Variants in RNASE4 observed in about 807,000 individuals in gnomAD.
The protein encoded by RNASE4 is ribonuclease A family member 4, also known as ribonuclease 4.
For synonymous variants in RNASE4, 93 were observed against 71.4 expected (o/e 1.30, Z -1.52); for missense variants, 194 against 192.8 (o/e 1.01, Z -0.04).
chr14:20,700,942 C>T lies in RNASE4; in HGVS notation c.*1127C>T, dbSNP rs1053445399. 1 of 152,234 alleles carries T rather than the reference C, an allele frequency of 6.6e-6. No individual in the cohort carries two copies. Among genetic ancestry groups the T allele is most frequent in the African/African-American group, 2.4e-5 (1 of 41,444 alleles). The allele number at this position is 152,234 out of a possible 1,614,324, so 9.4% of individuals were successfully genotyped here. A position where few individuals can be genotyped will look rare whatever the true frequency, so the allele number is the denominator to read the frequency against. On this transcript the variant is annotated 3_prime_UTR_variant, in exon 2 of 2. Coordinates refer to ENST00000555835, the MANE Select transcript of RNASE4 (RefSeq NM_002937.5). ...AACCAATTCCTGCCTTAACTGATGA[C>T]ATTCCACCACTGTGATTTGTTCCTG...
At chr14:20,686,039 TAA>T (rs11378368) in intron 1 of RNASE4, among the ~76,000 whole-genome samples, 3,526 of 137,908 alleles carry the variant, frequency 0.026, 64 homozygotes, top group African/African-American at 0.051. Flanking sequence ...GACTCCGTCT[TAA>T]AAAAAAAAAA....
At chr14:20,689,875 C>T in intron 1 of RNASE4, among the ~76,000 whole-genome samples, 1 of 147,744 alleles carries the variant, frequency 6.8e-6, no homozygotes, top group Non-Finnish European at 1.5e-5. Context: ...AAGATAGCAC[C>T]ACTGCGATCT....
At chr14:20,696,675 T>C (rs8010599) in intron 1 of RNASE4, among the ~76,000 whole-genome samples, 10,679 of 151,892 alleles carry the variant, frequency 0.07, 455 homozygotes, top group African/African-American at 0.12. Flanking sequence ...TCTGTAGTCA[T>C]TCATTATTTT....
At chr14:20,685,885 C>T (rs1461200890) in intron 1 of RNASE4, among the ~76,000 whole-genome samples, 22 of 151,790 alleles carry the variant, frequency 1.4e-4, no homozygotes, top group Admixed American at 1.4e-3. Flanking sequence ...ACTAAAAATA[C>T]AAAAATTAGC....
rs778252755 is a variant in RNASE4, at chr14:20,693,942, C to T, written c.-17-5413C>T. 3 of 1,614,110 alleles carry T rather than the reference C, an allele frequency of 1.9e-6. No homozygotes were observed. The highest frequency in any genetic ancestry group is 1.3e-5 in the African/African-American group (1 of 75,016). ...ACCGAGCCACAGCGGGGTTCAGAAA[C>T]GTTGTTGTTGCTTGTGAAAATGGCT... On this transcript the variant is annotated intron_variant, in intron 1 of 1. Coordinates refer to ENST00000555835, the MANE Select transcript of RNASE4 (RefSeq NM_002937.5).
chr14:20,693,573 G>A lies in RNASE4; in HGVS notation c.-17-5782G>A, dbSNP rs766649220. On this transcript the variant is annotated intron_variant, in intron 1 of 1. Coordinates refer to ENST00000555835, the MANE Select transcript of RNASE4 (RefSeq NM_002937.5). ...AGCCTGTGTTGGAAGAGATGGTGAT[G>A]GGCCTGGGCGTTTTGTTGTTGGTCT... 1.9e-6 allele frequency: 3 copies of A among 1,612,568 alleles called. No individual in the cohort carries two copies. The Admixed American group carries it at 5.0e-5, about 27-fold the overall frequency.
chr14:20,696,322 C>T (rs1215556804), intron 1 of RNASE4, among the ~76,000 whole-genome samples: 3 of 152,172 alleles, frequency 2.0e-5, no homozygotes, highest in African/African-American at 7.2e-5. Context: ...CATTCCTAGT[C>T]CTTTTTGGTC....
intron 1 of RNASE4, among the ~76,000 whole-genome samples, chr14:20,691,278 T>C (rs1886730569): frequency 6.6e-6 from 1 of 152,254 alleles, no homozygotes; most frequent in African/African-American, 2.4e-5. Context: ...TCTGGGATTC[T>C]GGCACCAGGC....
In RNASE4 at chr14:20,699,855, C is replaced by T; in HGVS notation, c.*40C>T. 1 of 1,560,320 alleles carries T rather than the reference C, an allele frequency of 6.4e-7. No individual in the cohort carries two copies. ...GGATTATCGCGAGTGGTTGACCTTACACTTACTCCTTAAATAGCAGTGAGT... is the reference window on the plus strand; with the variant it reads ...GGATTATCGCGAGTGGTTGACCTTATACTTACTCCTTAAATAGCAGTGAGT... On this transcript the variant is annotated 3_prime_UTR_variant, in exon 2 of 2. Transcript: ENST00000555835.
chr14:20,693,329 G>A (rs1319725704), intron 1 of RNASE4, among the ~76,000 whole-genome samples: 2 of 152,260 alleles, frequency 1.3e-5, no homozygotes, highest in East Asian at 1.9e-4. Context: ...AGAACGGTTG[G>A]AGCTAGAGGT....
At chr14:20,697,607 C>T (rs1039393637) in intron 1 of RNASE4, among the ~76,000 whole-genome samples, 3 of 152,170 alleles carry the variant, frequency 2.0e-5, no homozygotes, top group African/African-American at 7.2e-5. Flanking sequence ...TTCAGCAGAA[C>T]AAAGTAAGGT....
At position 20,699,427 on chromosome 14, in the gene RNASE4, G is replaced by A. The variant is rs1218917599; in HGVS notation, c.56G>A (p.Gly19Glu). ...LLLLLLLTLLGLGLVQPSYGQ... is the reference protein window; with the variant it reads ...LLLLLLLTLLELGLVQPSYGQ... ...CTGCTTTTGCTGCTGACCCTGCTGG[G>A]GCTGGGGCTGGTCCAGCCCTCCTAT... Residue 19 changes from glycine (G) to glutamate (E), a missense_variant, in exon 2 of 2, where the codon GGG (glycine) becomes GAG (glutamate). Transcript: ENST00000555835. 2 of 1,611,200 alleles carry A rather than the reference G, an allele frequency of 1.2e-6. No individual in the cohort carries two copies. Among genetic ancestry groups the A allele is most frequent in the South Asian group, 1.1e-5 (1 of 91,038 alleles).
chr14:20,688,502 G>T (rs570979796), intron 1 of RNASE4, among the ~76,000 whole-genome samples: 1 of 152,216 alleles, frequency 6.6e-6, no homozygotes, highest in South Asian at 2.1e-4. Context: ...GTGTGAATAG[G>T]GAAACCTCAG....
chr14:20,686,509 T>A (rs1344472340), intron 1 of RNASE4, among the ~76,000 whole-genome samples: 1 of 152,264 alleles, frequency 6.6e-6, no homozygotes, highest in East Asian at 1.9e-4. Flanking sequence ...AAGCAGATTC[T>A]CTGTAATTCT....
intron 1 of RNASE4, among the ~76,000 whole-genome samples, chr14:20,688,300 G>A (rs1158930969): frequency 1.3e-5 from 2 of 152,144 alleles, no homozygotes; most frequent in Admixed American, 6.5e-5. Flanking sequence ...ATGGAATAAC[G>A]TGCTTAGCAT....
intron 1 of RNASE4, among the ~76,000 whole-genome samples, chr14:20,692,941 G>A (rs1006723566): frequency 5.9e-5 from 9 of 152,122 alleles, no homozygotes; most frequent in African/African-American, 1.9e-4. Context: ...TCCGCCTCCC[G>A]GGTTCACGCC....
chr14:20,690,221 C>CAAAAAAAAAAAA (rs36091065), intron 1 of RNASE4, among the ~76,000 whole-genome samples: 9 of 67,980 alleles, frequency 1.3e-4, no homozygotes, highest in Non-Finnish European at 1.7e-4. Flanking sequence ...GACTCCGTCT[C>CAAAAAAAAAAAA]AAAAAAAAAA....
chr14:20,700,379 C>A lies in RNASE4; in HGVS notation c.*564C>A, dbSNP rs1175218596. The A allele has an allele frequency of 6.0e-6, 1 of 166,984 alleles. No homozygotes were observed. The highest frequency in any genetic ancestry group is 2.4e-5 in the African/African-American group (1 of 41,398). The allele number at this position is 166,984 out of a possible 1,614,324, so 10.3% of individuals were successfully genotyped here. On this transcript the variant is annotated 3_prime_UTR_variant, in exon 2 of 2. Coordinates refer to ENST00000555835, the MANE Select transcript of RNASE4 (RefSeq NM_002937.5). ...GCATTAAAAATTTGGAAATGTATGC[C>A]AGCAAAATGTGAGCTCTGTATTTTT... is the stretch of plus-strand genomic sequence containing the variant.
At chr14:20,692,972 C>T (rs1219702756) in intron 1 of RNASE4, among the ~76,000 whole-genome samples, 4 of 151,770 alleles carry the variant, frequency 2.6e-5, no homozygotes, top group Non-Finnish European at 5.9e-5. Context: ...CTCAGCCTCC[C>T]GAGTAGCTGG....
Sources: allele counts gnomAD v4.1 joint callset (sites outside exome capture counted in the v4.1 genomes callset), GRCh38; gene constraint gnomAD v4.1.1; transcripts MANE v1.5; gene names NCBI Gene and HGNC (gene_info 2026-07-23, HGNC 2026-07-21).